BRWD3: variants seen among roughly 807,000 people sequenced by gnomAD.
BRWD3 encodes bromodomain and WD repeat-containing protein 3.
Under a neutral mutation model 149.7 loss-of-function variants are expected in BRWD3, and 10 were observed. The ratio of observed to expected loss-of-function variants is 0.07; its 90% CI spans 0.04 to 0.11. The LOEUF (loss-of-function observed/expected upper bound fraction) is 0.11, where lower values mean the gene tolerates loss of function less well. Ranked by LOEUF, BRWD3 falls within the 10% of genes least tolerant of loss-of-function variation. The pLI is 1.00. For synonymous variants in BRWD3, 504 were observed against 456.7 expected (o/e 1.10, Z -1.32); for missense variants, 940 against 1,373.2 (o/e 0.68, Z 4.99).
chrX:80,693,606 G>T (rs1470902070), intron 27 of BRWD3, among the ~76,000 whole-genome samples: 1 of 111,669 alleles, frequency 9.0e-6, no homozygotes, highest in African/African-American at 3.3e-5. Flanking sequence ...TAGAGTAAAG[G>T]TCACTCATGC....
intron 6 of BRWD3, among the ~76,000 whole-genome samples, chrX:80,783,310 C>G (rs28816472): frequency 0.042 from 4,521 of 107,751 alleles, 123 homozygotes; most frequent in Non-Finnish European, 0.067. Flanking sequence ...CACTTGAACC[C>G]GGGAGGCAGA....
At chrX:80,714,047 C>T (rs1221078649) in intron 20 of BRWD3, among the ~76,000 whole-genome samples, 1 of 111,400 alleles carries the variant, frequency 9.0e-6, no homozygotes, top group Non-Finnish European at 1.9e-5. Context: ...AAAGTTGTCT[C>T]TTGTGGGGGA....
chrX:80,736,102 AAAT>A lies in BRWD3; in HGVS notation c.814-17_814-15del. The A allele has an allele frequency of 9.1e-7, 1 of 1,096,114 alleles. No individual in the cohort carries two copies. The allele number at this position is 1,096,114 out of a possible 1,213,427, so 90.3% of individuals were successfully genotyped here. A position where few individuals can be genotyped will look rare whatever the true frequency, so the allele number is the denominator to read the frequency against. The stretch of plus-strand genomic sequence containing the variant: ...TGATGGACAAAACTTAAAAAAAAAA[AAAT>A]CTGATTCAAATAAAAAGTTTTCATG... On this transcript the variant is annotated splice_polypyrimidine_tract_variant and intron_variant, in intron 8 of 40. Transcript: ENST00000373275.
intron 6 of BRWD3, among the ~76,000 whole-genome samples, chrX:80,758,797 T>C (rs2073772475): frequency 1.8e-5 from 2 of 111,464 alleles, no homozygotes; most frequent in Admixed American, 9.6e-5. Flanking sequence ...AAAAATAAAC[T>C]AAAAAGAAAA....
At chrX:80,695,835 T>C in intron 27 of BRWD3, 73 bp downstream of exon 27, 1 of 865,431 alleles carries the variant, frequency 1.2e-6, no homozygotes, top group Non-Finnish European at 1.7e-6. Flanking sequence ...ACTTTCTTTC[T>C]GTTAAATCAC....
chrX:80,791,689 A>T (rs2074183743), intron 6 of BRWD3, among the ~76,000 whole-genome samples, 165 bp downstream of exon 6: 1 of 112,443 alleles, frequency 8.9e-6, no homozygotes, highest in Non-Finnish European at 1.9e-5. Flanking sequence ...TATTTGCTTT[A>T]AGTAAAAATG....
chrX:80,786,260 T>TA (rs1041348377), intron 6 of BRWD3, among the ~76,000 whole-genome samples: 1 of 111,161 alleles, frequency 9.0e-6, no homozygotes, highest in African/African-American at 3.3e-5. Flanking sequence ...TTCTACTGGG[T>TA]AGCACTGTTT....
rs747841394 is a variant in BRWD3, at chrX:80,686,891, C to T, written c.3977G>A (p.Arg1326Gln). ...IYEREDSEPF[R>Q]QPADLLSYPG... is the part of the protein sequence containing the mutation. Reference sequence around the variant, plus strand: ...GTAAGAAAGAAGATCAGCTGGCTGTCGAAATGGCTCCGAGTCTTCACGTTC... The same window carrying T: ...GTAAGAAAGAAGATCAGCTGGCTGTTGAAATGGCTCCGAGTCTTCACGTTC... The change falls in exon 35 of 41, where the codon CGA becomes CAA. Residue 1326 changes from arginine (R) to glutamine (Q), a missense_variant. By Grantham distance (43) the Arg-to-Gln change is conservative. Around this residue, in one of 6 missense-constraint regions of BRWD3, gnomAD observed 349 missense variants for 419.6 expected, o/e 0.83. Coordinates refer to ENST00000373275, the MANE Select transcript of BRWD3 (RefSeq NM_153252.5). 1.7e-6 allele frequency: 2 copies of T among 1,209,351 alleles called. No homozygotes were observed. Among genetic ancestry groups the T allele is most frequent in the Non-Finnish European group, 2.2e-6 (2 of 894,097 alleles).
intron 17 of BRWD3, among the ~76,000 whole-genome samples, chrX:80,719,975 A>G (rs1386782742): frequency 9.0e-6 from 1 of 111,455 alleles, no homozygotes; most frequent in East Asian, 2.8e-4. Context: ...AATGAAGCTG[A>G]AAAACTCTTA....
At chrX:80,714,188 A>G (rs1218241924) in intron 20 of BRWD3, among the ~76,000 whole-genome samples, 1 of 108,168 alleles carries the variant, frequency 9.2e-6, no homozygotes, top group Non-Finnish European at 1.9e-5. Flanking sequence ...TCATCTGCAT[A>G]ATAAGAATCT....
At chrX:80,785,591 T>A (rs764652369) in intron 6 of BRWD3, among the ~76,000 whole-genome samples, 12 of 112,111 alleles carry the variant, frequency 1.1e-4, no homozygotes, top group Non-Finnish European at 2.3e-4. Flanking sequence ...AAAGTCCAGA[T>A]AAGGTCAGAA....
chrX:80,714,249 C>T (rs1415154440), intron 20 of BRWD3, among the ~76,000 whole-genome samples: 1 of 67,979 alleles, frequency 1.5e-5, no homozygotes, highest in Non-Finnish European at 2.5e-5. Context: ...TTTTTTGAGA[C>T]GGAGTTTCAC....
chrX:80,794,397 C>T (rs1285135478), intron 4 of BRWD3, among the ~76,000 whole-genome samples: 3 of 107,922 alleles, frequency 2.8e-5, no homozygotes, highest in Non-Finnish European at 5.8e-5. Flanking sequence ...CTCAGCTATT[C>T]GGGAGGCTGA....
intron 40 of BRWD3, among the ~76,000 whole-genome samples, chrX:80,678,213 A>G (rs2072394043): frequency 1.8e-5 from 2 of 112,313 alleles, no homozygotes; most frequent in Non-Finnish European, 1.9e-5. Flanking sequence ...AGATGTGATG[A>G]TAAGTGATTA....
chrX:80,799,140 C>T (rs2074268670), intron 4 of BRWD3, among the ~76,000 whole-genome samples: 1 of 112,149 alleles, frequency 8.9e-6, no homozygotes, highest in Non-Finnish European at 1.9e-5. Flanking sequence ...GACTGGCTGA[C>T]CTGAAGAGCA....
chrX:80,743,828 A>G (rs2073553989), intron 8 of BRWD3: 1 of 392,652 alleles, frequency 2.5e-6, no homozygotes, highest in South Asian at 5.4e-5. Context: ...TTTTTAAATC[A>G]TCTTTTTAGT....
At chrX:80,764,642 A>G in intron 6 of BRWD3, among the ~76,000 whole-genome samples, 1 of 110,873 alleles carries the variant, frequency 9.0e-6, no homozygotes, top group East Asian at 2.8e-4. Context: ...ACTTGACAAC[A>G]AAAGCAAGAT....
intron 4 of BRWD3, 45 bp from the exon 5 acceptor site, chrX:80,793,817 T>C (rs1284638428): frequency 9.1e-7 from 1 of 1,101,994 alleles, no homozygotes; most frequent in South Asian, 1.9e-5. Context: ...ATTTATTTGG[T>C]TTAAAAATAT....
At chrX:80,707,218 T>A (rs1054425081) in intron 22 of BRWD3, among the ~76,000 whole-genome samples, 8 of 112,764 alleles carry the variant, frequency 7.1e-5, no homozygotes, top group African/African-American at 2.6e-4. Context: ...AAGAATCTTA[T>A]TTTATAGATG....
Sources: allele counts gnomAD v4.1 joint callset (sites outside exome capture counted in the v4.1 genomes callset), GRCh38; gene constraint gnomAD v4.1.1; regional missense constraint gnomAD v4.1.1; transcripts MANE v1.5; gene names NCBI Gene and HGNC (gene_info 2026-07-23, HGNC 2026-07-21).